Variants in FTCDNL1 observed in about 807,000 individuals in gnomAD.
The protein encoded by FTCDNL1 is formiminotransferase cyclodeaminase N-terminal like, also known as formiminotransferase N-terminal subdomain-containing protein.
FTCDNL1 carries 11 observed loss-of-function variants against 5.9 expected under a neutral mutation model. That is an observed-to-expected ratio of 1.87 (90% CI 1.18 to 3.10). The LOEUF is 3.10. FTCDNL1 is among the 30% of genes most tolerant of loss of function. The probability of loss-of-function intolerance (pLI) is 0.00; values close to 1 mark genes in which losing one functional copy is unlikely to be tolerated. For synonymous variants in FTCDNL1, 58 were observed against 24.8 expected (o/e 2.34, Z -3.99); for missense variants, 115 against 65.5 (o/e 1.76, Z -2.61).
intron 3 of FTCDNL1, among the ~76,000 whole-genome samples, chr2:199,776,733 T>C (rs1410321922): frequency 6.6e-6 from 1 of 152,112 alleles, no homozygotes; most frequent in African/African-American, 2.4e-5. Flanking sequence ...AGACTGATGA[T>C]TCCACATACA....
intron 3 of FTCDNL1, among the ~76,000 whole-genome samples, chr2:199,801,654 C>CA (rs553230633): frequency 1.3e-4 from 19 of 149,786 alleles, no homozygotes; most frequent in South Asian, 4.3e-4. Context: ...CAATGTGTCT[C>CA]AAAAAAAAGG....
chr2:199,847,361 A>T (rs2076758808), intron 2 of FTCDNL1, among the ~76,000 whole-genome samples: 1 of 152,242 alleles, frequency 6.6e-6, no homozygotes, highest in South Asian at 2.1e-4. Flanking sequence ...TAAGAAGAAG[A>T]TCATGCAACT....
chr2:199,838,052 T>C (rs1189097883), intron 3 of FTCDNL1, among the ~76,000 whole-genome samples: 3 of 152,210 alleles, frequency 2.0e-5, no homozygotes, highest in Admixed American at 6.5e-5. Flanking sequence ...CATCATTCAA[T>C]CCTTCTCATG....
chr2:199,748,311 T>A, the FTCDNL1 span, among the ~76,000 whole-genome samples: 344 of 152,336 alleles, frequency 2.3e-3, no homozygotes, highest in Non-Finnish European at 4.1e-3. Flanking sequence ...GCTAGGACTT[T>A]TAAACAAAGC....
the FTCDNL1 span, among the ~76,000 whole-genome samples, chr2:199,698,258 C>G: frequency 1.3e-5 from 2 of 152,064 alleles, no homozygotes; most frequent in African/African-American, 4.8e-5. Context: ...TATTGAGGAC[C>G]TAAACTTGAC....
the FTCDNL1 span, among the ~76,000 whole-genome samples, chr2:199,668,176 G>A: frequency 3.9e-5 from 6 of 152,008 alleles, no homozygotes; most frequent in East Asian, 1.9e-4. Flanking sequence ...GGACCTACTG[G>A]AAACAAATAT....
At chr2:199,790,805 C>T (rs986531173) in intron 3 of FTCDNL1, among the ~76,000 whole-genome samples, 9 of 152,090 alleles carry the variant, frequency 5.9e-5, no homozygotes, top group Non-Finnish European at 1.0e-4. Context: ...ATTCCTACTG[C>T]TTGGCAGACA....
At chr2:199,674,006 T>C in the FTCDNL1 span, among the ~76,000 whole-genome samples, 1 of 152,164 alleles carries the variant, frequency 6.6e-6, no homozygotes, top group South Asian at 2.1e-4. Flanking sequence ...GTATCTGCTA[T>C]TTTCAAGATA....
At chr2:199,759,960 G>A (rs1215536446), downstream of FTCDNL1, among the ~76,000 whole-genome samples, 1 of 152,182 alleles carries the variant, frequency 6.6e-6, no homozygotes, top group Non-Finnish European at 1.5e-5. Flanking sequence ...TATAGATGGT[G>A]TCAGGCCAAA....
chr2:199,847,812 G>C (rs1055728781), intron 2 of FTCDNL1, among the ~76,000 whole-genome samples: 1 of 152,172 alleles, frequency 6.6e-6, no homozygotes, highest in Non-Finnish European at 1.5e-5. Context: ...GCCCGAGCTG[G>C]CTCTTTCCAC....
chr2:199,676,762 A>G, the FTCDNL1 span, among the ~76,000 whole-genome samples: 1 of 152,168 alleles, frequency 6.6e-6, no homozygotes, highest in Non-Finnish European at 1.5e-5. Flanking sequence ...TGAGAATTCA[A>G]CCAAAACCTA....
the FTCDNL1 span, among the ~76,000 whole-genome samples, chr2:199,685,952 G>C: frequency 1.3e-5 from 2 of 152,224 alleles, no homozygotes; most frequent in African/African-American, 4.8e-5. Context: ...CTCTGACCTA[G>C]TCTGGAACAT....
At chr2:199,841,765 G>C (rs1024859999) in intron 3 of FTCDNL1, among the ~76,000 whole-genome samples, 1 of 152,070 alleles carries the variant, frequency 6.6e-6, no homozygotes, top group Non-Finnish European at 1.5e-5. Context: ...ACAGCCCATG[G>C]AATCTGTCCA....
At chr2:199,679,743 T>C in the FTCDNL1 span, among the ~76,000 whole-genome samples, 21 of 152,060 alleles carry the variant, frequency 1.4e-4, no homozygotes, top group African/African-American at 4.6e-4. Context: ...TTTCATTGTG[T>C]GAGATTAGGA....
At chr2:199,788,673 AT>A (rs1397693869) in intron 3 of FTCDNL1, among the ~76,000 whole-genome samples, 8 of 152,230 alleles carry the variant, frequency 5.3e-5, no homozygotes, top group Admixed American at 5.2e-4. Flanking sequence ...ACTAGGAAGA[AT>A]TAATAATAAT....
chr2:199,817,807 T>C (rs1456870246), intron 4 of FTCDNL1, among the ~76,000 whole-genome samples: 5 of 149,734 alleles, frequency 3.3e-5, no homozygotes, highest in Non-Finnish European at 7.4e-5. Flanking sequence ...CCATTTCAAA[T>C]CAAACAATAT....
At chr2:199,833,584 T>C (rs1191811556) in intron 3 of FTCDNL1, among the ~76,000 whole-genome samples, 2 of 152,234 alleles carry the variant, frequency 1.3e-5, no homozygotes, top group African/African-American at 2.4e-5. Context: ...AATGTATAAA[T>C]AGCCTTCAGC....
At chr2:199,735,229 T>C in the FTCDNL1 span, among the ~76,000 whole-genome samples, 1 of 151,908 alleles carries the variant, frequency 6.6e-6, no homozygotes, top group Admixed American at 6.6e-5. Flanking sequence ...TTGTAAAAGA[T>C]AATCAGCTCT....
chr2:199,691,323 C>A, the FTCDNL1 span, among the ~76,000 whole-genome samples: 21 of 152,188 alleles, frequency 1.4e-4, no homozygotes, highest in African/African-American at 4.6e-4. Flanking sequence ...CAGGCATGCG[C>A]CACCACACCC....
Sources: allele counts gnomAD v4.1 joint callset (sites outside exome capture counted in the v4.1 genomes callset), GRCh38; gene constraint gnomAD v4.1.1; transcripts MANE v1.5; gene names NCBI Gene and HGNC (gene_info 2026-07-23, HGNC 2026-07-21).